The following KCNT2 variants were observed in gnomAD, a reference collection of about 807,000 sequenced individuals.
The protein encoded by KCNT2 is potassium channel subfamily T member 2.
Under a neutral mutation model 153.8 loss-of-function variants are expected in KCNT2, and 67 were observed. The observed-to-expected ratio is 0.44, with a 90% confidence interval of 0.36 to 0.53. The LOEUF is 0.53. KCNT2 is among the 20% of genes least tolerant of loss of function. The pLI is 0.00. For missense variants in KCNT2, 975 were observed against 1,354.8 expected, an observed-to-expected ratio of 0.72 and a Z score of 4.40; for synonymous variants, 500 against 458.8, an observed-to-expected ratio of 1.09 and a Z score of -1.15.
chr1:196,469,697 C>T (rs1449801070), intron 5 of KCNT2, among the ~76,000 whole-genome samples: 8 of 152,118 alleles, frequency 5.3e-5, no homozygotes, highest in African/African-American at 1.7e-4. Flanking sequence ...CAACTAATCA[C>T]GAGGACCTTC....
chr1:196,556,732 T>G (rs1658720765), intron 1 of KCNT2, among the ~76,000 whole-genome samples: 1 of 151,470 alleles, frequency 6.6e-6, no homozygotes, highest in Non-Finnish European at 1.5e-5. Flanking sequence ...GCAACATAAG[T>G]GTCCGTCGAC....
At chr1:196,292,018 T>C (rs538528756) in intron 22 of KCNT2, among the ~76,000 whole-genome samples, 14 of 152,206 alleles carry the variant, frequency 9.2e-5, no homozygotes, top group Non-Finnish European at 1.9e-4. Context: ...ATTTTAAATG[T>C]GTCTTAAAAA....
At chr1:196,245,334 C>T (rs559153671) in intron 26 of KCNT2, among the ~76,000 whole-genome samples, 2 of 152,082 alleles carry the variant, frequency 1.3e-5, no homozygotes, top group Admixed American at 6.6e-5. Flanking sequence ...CTAAAAAAGC[C>T]AAAGCAAACC....
Position 196,465,383 on chromosome 1 carries a change from T to C in KCNT2, c.548A>G (p.Asp183Gly). 6.3e-7 allele frequency: 1 copy of C among 1,589,674 alleles called. No homozygotes were observed. Among genetic ancestry groups the C allele is most frequent in the Non-Finnish European group, 8.6e-7 (1 of 1,159,792 alleles). ...TGTACGCTGAATGGCTCTGTGTAGA[T>C]CATTCTAAAATAATACAGAAAAAAA... ...AKHALENMIN[D>G]LHRAIQRTQS... Residue 183 changes from aspartate to glycine, a missense_variant, in exon 8 of 28, where the codon GAT (aspartate) becomes GGT (glycine). This residue lies in a region of KCNT2 where 140 missense variants were observed against 216.0 expected (regional missense o/e 0.65). Transcript: ENST00000294725.
intron 12 of KCNT2, among the ~76,000 whole-genome samples, chr1:196,413,036 A>G (rs1362844337): frequency 6.6e-6 from 1 of 151,700 alleles, no homozygotes; most frequent in Non-Finnish European, 1.5e-5. Flanking sequence ...ATACAAAGTT[A>G]ATATATTCTT....
At chr1:196,411,475 A>G (rs1221883537) in intron 12 of KCNT2, among the ~76,000 whole-genome samples, 1 of 139,510 alleles carries the variant, frequency 7.2e-6, no homozygotes. Flanking sequence ...AAAAACGGCC[A>G]GTGAGATTCT....
chr1:196,352,121 G>C (rs981115962), intron 14 of KCNT2, among the ~76,000 whole-genome samples: 1 of 151,916 alleles, frequency 6.6e-6, no homozygotes, highest in Non-Finnish European at 1.5e-5. Context: ...ATTTTATTGA[G>C]GATTTTTGCA....
intron 13 of KCNT2, among the ~76,000 whole-genome samples, chr1:196,384,886 A>T (rs1447863034): frequency 6.6e-6 from 1 of 152,036 alleles, no homozygotes; most frequent in African/African-American, 2.4e-5. Context: ...TAACAACCTA[A>T]TCTTCATTCC....
chr1:196,356,026 G>T (rs1056560423), intron 14 of KCNT2, among the ~76,000 whole-genome samples: 1 of 151,658 alleles, frequency 6.6e-6, no homozygotes, highest in Admixed American at 6.6e-5. Context: ...TCCCAGGCAA[G>T]ATATATTCCA....
intron 1 of KCNT2, among the ~76,000 whole-genome samples, chr1:196,590,391 C>A (rs1415235615): frequency 6.6e-6 from 1 of 152,136 alleles, no homozygotes; most frequent in African/African-American, 2.4e-5. Flanking sequence ...TGTTAACAAG[C>A]AGGACAGATT....
At chr1:196,464,275 C>T (rs756351541) in intron 8 of KCNT2, among the ~76,000 whole-genome samples, 10 of 151,504 alleles carry the variant, frequency 6.6e-5, no homozygotes, top group Admixed American at 1.3e-4. Context: ...AGACACTAGG[C>T]GATAAGATGG....
chr1:196,484,611 C>T (rs1224948364), intron 3 of KCNT2, among the ~76,000 whole-genome samples: 4 of 152,022 alleles, frequency 2.6e-5, no homozygotes, highest in African/African-American at 7.2e-5. Context: ...ATGCCTATCT[C>T]CTGAATGGTA....
intron 14 of KCNT2, among the ~76,000 whole-genome samples, chr1:196,347,203 T>G (rs539609448): frequency 3.9e-5 from 6 of 152,150 alleles, no homozygotes; most frequent in Non-Finnish European, 8.8e-5. Flanking sequence ...GTACCTTTAT[T>G]GGTAATGCAG....
At chr1:196,563,142 C>T (rs1357575355) in intron 1 of KCNT2, among the ~76,000 whole-genome samples, 1 of 151,990 alleles carries the variant, frequency 6.6e-6, no homozygotes, top group African/African-American at 2.4e-5. Flanking sequence ...AATCACTAGC[C>T]TTGCCAGTTG....
At chr1:196,550,969 A>G (rs770154375) in intron 1 of KCNT2, among the ~76,000 whole-genome samples, 43 of 151,968 alleles carry the variant, frequency 2.8e-4, no homozygotes, top group Middle Eastern at 6.8e-3. Flanking sequence ...ATTATTTGAG[A>G]TATTTGCAGA....
intron 1 of KCNT2, among the ~76,000 whole-genome samples, chr1:196,575,709 G>A (rs1259444260): frequency 2.4e-5 from 3 of 127,524 alleles, no homozygotes; most frequent in East Asian, 2.4e-4. Flanking sequence ...GGAAGAGGGC[G>A]GAATGCAGTG....
chr1:196,548,606 A>G (rs999472825), intron 1 of KCNT2, among the ~76,000 whole-genome samples: 2 of 152,052 alleles, frequency 1.3e-5, no homozygotes, highest in African/African-American at 2.4e-5. Flanking sequence ...GCGATTCCTC[A>G]GGGATCTAGA....
At chr1:196,373,354 A>C in intron 13 of KCNT2, 106 bp from the exon 14 acceptor site, 1 of 629,134 alleles carries the variant, frequency 1.6e-6, no homozygotes, top group Non-Finnish European at 2.9e-6. Context: ...CAATATAAAC[A>C]TACTTGTTTT....
chr1:196,315,119 G>T (rs1558134326), intron 21 of KCNT2, among the ~76,000 whole-genome samples: 1 of 151,656 alleles, frequency 6.6e-6, no homozygotes, highest in South Asian at 2.1e-4. Flanking sequence ...AGTGAACATG[G>T]ATGATGAGAA....
Sources: allele counts gnomAD v4.1 joint callset (sites outside exome capture counted in the v4.1 genomes callset), GRCh38; gene constraint gnomAD v4.1.1; regional missense constraint gnomAD v4.1.1; transcripts MANE v1.5; gene names NCBI Gene and HGNC (gene_info 2026-07-23, HGNC 2026-07-21).